The following CCDC149 variants were observed in gnomAD, a reference collection of about 807,000 sequenced individuals.
CCDC149 encodes the protein coiled-coil domain containing 149.
Under a neutral mutation model 59.9 loss-of-function variants are expected in CCDC149, and 45 were observed. The observed-to-expected ratio is 0.75, with a 90% CI of 0.59 to 0.96. The LOEUF is 0.96. Ranked by LOEUF, CCDC149 falls within the 40% of genes least tolerant of loss-of-function variation. The pLI, the probability that CCDC149 is intolerant of heterozygous loss-of-function variation, is 0.00. For synonymous variants in CCDC149, 245 were observed against 260.6 expected (o/e 0.94, Z 0.58); for missense variants, 584 against 664.7 (o/e 0.88, Z 1.33).
At chr4:24,898,009 C>T (rs1249479358) in intron 1 of CCDC149, among the ~76,000 whole-genome samples, 1 of 152,206 alleles carries the variant, frequency 6.6e-6, no homozygotes, top group Non-Finnish European at 1.5e-5. Context: ...CCATCCCTGC[C>T]ACCTCCAATA....
At chr4:24,912,683 G>T in intron 1 of CCDC149, 134 bp downstream of exon 1, 2 of 478,788 alleles carry the variant, frequency 4.2e-6, no homozygotes, top group Non-Finnish European at 6.0e-6. Flanking sequence ...GGTCGCGCGG[G>T]TGCGGCAGCC....
chr4:24,874,277 T>TTTTTTTTTTTTTTTTTTTTC (rs1719271905), intron 2 of CCDC149, among the ~76,000 whole-genome samples: 1 of 111,290 alleles, frequency 9.0e-6, no homozygotes, highest in African/African-American at 3.7e-5. Flanking sequence ...TTTTTTTTGT[T>TTTTTTTTTTTTTTTTTTTTC]TTTTTGCCTT....
intron 1 of CCDC149, among the ~76,000 whole-genome samples, chr4:24,962,217 T>A (rs1474313642): frequency 6.6e-6 from 1 of 152,094 alleles, no homozygotes; most frequent in African/African-American, 2.4e-5. Context: ...AAAATGCTCA[T>A]CATCACTGGC....
intron 2 of CCDC149, among the ~76,000 whole-genome samples, chr4:24,873,933 C>T (rs552133014): frequency 1.5e-3 from 228 of 150,948 alleles, no homozygotes; most frequent in African/African-American, 5.3e-3. Context: ...GGAATCAGTT[C>T]CCATTAGGAC....
At chr4:24,901,011 C>T (rs190877143) in intron 1 of CCDC149, among the ~76,000 whole-genome samples, 82 of 152,244 alleles carry the variant, frequency 5.4e-4, no homozygotes, top group African/African-American at 1.8e-3. Flanking sequence ...TGAAGGTTTC[C>T]GAGTAAGAGG....
intron 1 of CCDC149, 94 bp downstream of exon 1, chr4:24,912,723 C>G: frequency 1.1e-6 from 1 of 908,702 alleles, no homozygotes; most frequent in Non-Finnish European, 1.4e-6. Flanking sequence ...GCCCCCCTCT[C>G]GTCCCTCCCA....
chr4:24,931,829 G>GTATATATATATATATACATATATA (rs1553862491), intron 1 of CCDC149, among the ~76,000 whole-genome samples: 3 of 76,908 alleles, frequency 3.9e-5, no homozygotes, highest in Non-Finnish European at 7.2e-5. Flanking sequence ...TGGAGAGTAT[G>GTATATATATATATATACATATATA]TATATATATA....
At chr4:24,970,361 G>C (rs1252084654) in intron 1 of CCDC149, among the ~76,000 whole-genome samples, 1 of 152,136 alleles carries the variant, frequency 6.6e-6, no homozygotes, top group African/African-American at 2.4e-5. Flanking sequence ...GGACACCTGT[G>C]GCTGATGCCT....
intron 10 of CCDC149, 111 bp from the exon 11 acceptor site, chr4:24,821,198 G>A (rs1463900865): frequency 2.9e-5 from 13 of 454,792 alleles, no homozygotes; most frequent in African/African-American, 1.0e-4. Flanking sequence ...TTGTTCACTC[G>A]AGTAACTTCC....
chr4:24,839,026 TCTCACACA>T (rs869076849), intron 4 of CCDC149, among the ~76,000 whole-genome samples: 125 of 131,728 alleles, frequency 9.5e-4, no homozygotes, highest in Middle Eastern at 3.7e-3. Context: ...TCTCTCTCTC[TCTCACACA>T]CACACACACA....
intron 1 of CCDC149, among the ~76,000 whole-genome samples, chr4:24,940,501 A>C (rs1368930284): frequency 2.0e-5 from 3 of 152,200 alleles, no homozygotes; most frequent in Non-Finnish European, 4.4e-5. Flanking sequence ...CGAGCAAAAT[A>C]ACCAGCTAAC....
At chr4:24,862,341 T>C (rs953534864) in intron 3 of CCDC149, among the ~76,000 whole-genome samples, 1 of 152,208 alleles carries the variant, frequency 6.6e-6, no homozygotes, top group Non-Finnish European at 1.5e-5. Context: ...AACTTCTGTC[T>C]GTGGTAACTT....
At chr4:24,849,280 G>C (rs139877865) in intron 4 of CCDC149, among the ~76,000 whole-genome samples, 4 of 152,166 alleles carry the variant, frequency 2.6e-5, no homozygotes, top group African/African-American at 9.7e-5. Flanking sequence ...AGGGTAATGC[G>C]TGGCTTTGTG....
chr4:24,964,519 T>A (rs919987108), intron 1 of CCDC149, among the ~76,000 whole-genome samples: 7 of 152,200 alleles, frequency 4.6e-5, no homozygotes, highest in Non-Finnish European at 1.0e-4. Flanking sequence ...TATTTTGAAC[T>A]GAATGAAACT....
At chr4:24,898,498 G>T (rs1720976182) in intron 1 of CCDC149, among the ~76,000 whole-genome samples, 1 of 152,168 alleles carries the variant, frequency 6.6e-6, no homozygotes, top group African/African-American at 2.4e-5. Flanking sequence ...GCCATGACTG[G>T]TCTGGAGGAG....
rs748219786 is a variant in CCDC149, at chr4:24,838,196, C to T, written c.449G>A (p.Arg150His). 1.2e-5 allele frequency: 19 copies of T among 1,614,060 alleles called. No individual in the cohort carries two copies. Among genetic ancestry groups the T allele is most frequent in the East Asian group, 2.2e-5 (1 of 44,906 alleles). ...CTCTAGCTGCTGCACCAAGTCTTCA[C>T]GCTCATGGGCTGCAAAGTGTCGCAC... Residue 150 changes from arginine (R) to histidine (H), a missense_variant, in exon 5 of 13, where the codon CGT becomes CAT. Coordinates refer to ENST00000635206, the MANE Select transcript of CCDC149 (RefSeq NM_001330643.2).
chr4:24,848,666 T>C (rs920970069), intron 4 of CCDC149, among the ~76,000 whole-genome samples: 1 of 152,078 alleles, frequency 6.6e-6, no homozygotes, highest in African/African-American at 2.4e-5. Context: ...AGAAGCCACA[T>C]ACTGCTTCTT....
At chr4:24,825,627 G>T (rs1350492598) in intron 9 of CCDC149, among the ~76,000 whole-genome samples, 4 of 151,920 alleles carry the variant, frequency 2.6e-5, no homozygotes, top group South Asian at 4.2e-4. Flanking sequence ...CAAAAAATTA[G>T]CTGGGTGTGG....
chr4:24,813,040 C>T (rs865963954), intron 12 of CCDC149, among the ~76,000 whole-genome samples: 4 of 152,122 alleles, frequency 2.6e-5, no homozygotes, highest in Admixed American at 1.3e-4. Context: ...AGGCCCTAAT[C>T]CCCAGTGTGA....
Sources: gnomAD v4.1 joint callset for allele counts (sites outside exome capture counted in the v4.1 genomes callset) on GRCh38, gnomAD v4.1.1 for gene constraint, MANE v1.5 for transcripts, NCBI Gene and HGNC (gene_info 2026-07-23, HGNC 2026-07-21) for gene names.